Variants in PCDHA9 observed in about 807,000 individuals in gnomAD.
The protein encoded by PCDHA9 is protocadherin alpha 9.
In PCDHA9, 62 loss-of-function variants were observed where a neutral mutation model predicts 62.0. The observed-to-expected ratio is 1.00, with a 90% CI of 0.81 to 1.23. The LOEUF (loss-of-function observed/expected upper bound fraction) is 1.23. Among genes scored for constraint, PCDHA9 ranks in the 50% most tolerant of loss-of-function variants. The pLI is 0.00. For synonymous variants in PCDHA9, 557 were observed against 567.6 expected, an observed-to-expected ratio of 0.98 and a Z score of 0.27; for missense variants, 1,205 against 1,249.8, an observed-to-expected ratio of 0.96 and a Z score of 0.54.
chr5:140,891,912 T>C (rs2063306720), intron 1 of PCDHA9, among the ~76,000 whole-genome samples: 1 of 152,244 alleles, frequency 6.6e-6, no homozygotes, highest in Admixed American at 6.5e-5. Context: ...CTTCACCAGA[T>C]GCTGGTGCCT....
chr5:140,995,388 A>G (rs1467282798), intron 3 of PCDHA9, among the ~76,000 whole-genome samples: 1 of 152,208 alleles, frequency 6.6e-6, no homozygotes. Flanking sequence ...GGCAGGATAA[A>G]GCGGGATGGC....
chr5:140,933,332 G>A (rs2089060279), intron 1 of PCDHA9, among the ~76,000 whole-genome samples: 1 of 151,968 alleles, frequency 6.6e-6, no homozygotes, highest in African/African-American at 2.4e-5. Context: ...CTGTGCTGTA[G>A]AGAAAGATAA....
chr5:140,915,960 G>A (rs1554197207), intron 1 of PCDHA9, among the ~76,000 whole-genome samples: 1 of 152,112 alleles, frequency 6.6e-6, no homozygotes, highest in Admixed American at 6.5e-5. Flanking sequence ...TTAGAAATTT[G>A]CCTGATATTT....
intron 1 of PCDHA9, among the ~76,000 whole-genome samples, chr5:140,947,906 A>G (rs2153681662): frequency 6.6e-6 from 1 of 151,710 alleles, no homozygotes; most frequent in South Asian, 2.1e-4. Flanking sequence ...GTGAGAGCAG[A>G]CATTCTTGCC....
intron 1 of PCDHA9, chr5:140,860,073 G>A (rs1441059020): frequency 4.0e-5 from 6 of 151,782 alleles, no homozygotes; most frequent in African/African-American, 1.5e-4. Flanking sequence ...AGGATGGTTT[G>A]AGGCCAGGAG....
intron 1 of PCDHA9, among the ~76,000 whole-genome samples, chr5:140,893,276 G>A (rs1554185570): frequency 6.6e-6 from 1 of 152,164 alleles, no homozygotes; most frequent in African/African-American, 2.4e-5. Context: ...TAGTGGAATT[G>A]CTGGATGATA....
At chr5:140,962,543 G>T (rs962454688) in intron 1 of PCDHA9, among the ~76,000 whole-genome samples, 1 of 152,176 alleles carries the variant, frequency 6.6e-6, no homozygotes, top group Non-Finnish European at 1.5e-5. Flanking sequence ...AACTAAAAAT[G>T]TAGAGGATCT....
At chr5:140,905,950 T>C (rs2072233262) in intron 1 of PCDHA9, among the ~76,000 whole-genome samples, 1 of 152,206 alleles carries the variant, frequency 6.6e-6, no homozygotes, top group Non-Finnish European at 1.5e-5. Flanking sequence ...TGGAATCCGA[T>C]GTTCAAGGGG....
At chr5:140,943,796 C>T (rs2093568961) in intron 1 of PCDHA9, among the ~76,000 whole-genome samples, 1 of 152,032 alleles carries the variant, frequency 6.6e-6, no homozygotes, top group Non-Finnish European at 1.5e-5. Flanking sequence ...TTATGCAAAG[C>T]AAAAGAGGAA....
intron 1 of PCDHA9, among the ~76,000 whole-genome samples, chr5:140,943,364 C>T (rs1463652865): frequency 6.6e-6 from 1 of 150,620 alleles, no homozygotes; most frequent in Non-Finnish European, 1.5e-5. Context: ...GAAAGGAGAT[C>T]ATTAAAATAT....
intron 1 of PCDHA9, chr5:140,853,701 C>T: frequency 1.0e-6 from 1 of 987,936 alleles, no homozygotes; most frequent in Non-Finnish European, 1.2e-6. Context: ...CCTGCTAACG[C>T]ATTAGCATTA....
chr5:140,851,949 A>T, intron 1 of PCDHA9: 1 of 974,358 alleles, frequency 1.0e-6, no homozygotes, highest in Non-Finnish European at 1.2e-6. Context: ...TGTGACTTTC[A>T]AAATGGTGGT....
chr5:140,928,392 G>T (rs17844366), intron 1 of PCDHA9: 1 of 1,614,052 alleles, frequency 6.2e-7, no homozygotes, highest in Admixed American at 1.7e-5. Context: ...TGCTGGCAGT[G>T]GAATCATCCA....
At chr5:140,968,365 T>C (rs1554230638) in intron 1 of PCDHA9, 1 of 1,614,112 alleles carries the variant, frequency 6.2e-7, no homozygotes, top group Non-Finnish European at 8.5e-7. Context: ...GCCTTTATGC[T>C]GTCAACTCCT....
At chr5:140,921,078 C>A (rs2153559626) in intron 1 of PCDHA9, among the ~76,000 whole-genome samples, 1 of 151,870 alleles carries the variant, frequency 6.6e-6, no homozygotes, top group East Asian at 2.0e-4. Context: ...CTCTTGGGCT[C>A]AAGAGAATCC....
At chr5:141,001,885 A>C (rs1462586962) in intron 3 of PCDHA9, among the ~76,000 whole-genome samples, 2 of 152,228 alleles carry the variant, frequency 1.3e-5, no homozygotes, top group African/African-American at 2.4e-5. Context: ...GAAGGAGCAA[A>C]GAAATCGGGG....
Position 140,850,266 on chromosome 5 carries a change from G to A in PCDHA9, c.1771G>A (p.Val591Met). The change falls in exon 1 of 4, where the codon GTG becomes ATG. Residue 591 changes from valine (V) to methionine (M), a missense_variant. This residue lies in a region of PCDHA9 where 887 missense variants were observed against 809.5 expected (regional missense o/e 1.10). Coordinates refer to ENST00000532602, the MANE Select transcript of PCDHA9 (RefSeq NM_031857.2). The stretch of plus-strand genomic sequence containing the variant: ...GCGGTCGGTGGGCGCCGGCGTAGTG[G>A]TGGGGAAGGTGCGCGCAGTGGACGC... The part of the protein sequence containing the change: ...VLRSVGAGVV[V>M]GKVRAVDADS... The A allele has an allele frequency of 1.3e-6, 2 of 1,594,736 alleles. No homozygotes were observed. Among genetic ancestry groups the A allele is most frequent in the Non-Finnish European group, 8.6e-7 (1 of 1,167,382 alleles).
chr5:140,881,458 G>C (rs2058720447), intron 1 of PCDHA9: 1 of 671,966 alleles, frequency 1.5e-6, no homozygotes, highest in Non-Finnish European at 1.8e-6. Context: ...CAAAACCTTA[G>C]AGCATTGTTG....
chr5:140,850,077 C>T lies in PCDHA9; in HGVS notation c.1582C>T (p.Leu528=). The change falls in exon 1 of 4, where the codon CTG becomes TTG. Residue 528 remains leucine (L), a synonymous_variant. Transcript: ENST00000532602. ...YALQPLDHEE[L]ELLQFQVSAR... is the part of the protein sequence containing the mutation. ...GCTGCAGCCGTTGGACCACGAGGAGCTGGAGCTGCTACAGTTCCAGGTGAG... is the reference window on the plus strand; with the variant it reads ...GCTGCAGCCGTTGGACCACGAGGAGTTGGAGCTGCTACAGTTCCAGGTGAG... 1 of 1,596,450 alleles carries T rather than the reference C, an allele frequency of 6.3e-7. No individual in the cohort carries two copies.
Sources: allele counts gnomAD v4.1 joint callset (sites outside exome capture counted in the v4.1 genomes callset), GRCh38; gene constraint gnomAD v4.1.1; regional missense constraint gnomAD v4.1.1; transcripts MANE v1.5; gene names NCBI Gene and HGNC (gene_info 2026-07-23, HGNC 2026-07-21).